The following ZNF385B variants were observed in gnomAD, a reference collection of about 807,000 sequenced individuals.
The protein encoded by ZNF385B is zinc finger protein 385B, also known as zinc finger protein 533.
A neutral mutation model predicts 39.2 loss-of-function variants in ZNF385B; 23 were observed. That is an observed-to-expected ratio of 0.59 (90% confidence interval 0.42 to 0.83). The LOEUF is 0.83. ZNF385B is among the 40% of genes least tolerant of loss of function. The pLI is 0.00. For synonymous variants in ZNF385B, 205 were observed against 222.6 expected, an observed-to-expected ratio of 0.92 and a Z score of 0.70; for missense variants, 552 against 598.9, an observed-to-expected ratio of 0.92 and a Z score of 0.82.
At chr2:179,689,938 T>C (rs186793691) in intron 3 of ZNF385B, among the ~76,000 whole-genome samples, 57 of 152,234 alleles carry the variant, frequency 3.7e-4, no homozygotes, top group Admixed American at 2.7e-3. Context: ...CTCTCTCCTA[T>C]AGCTAAAGCT....
chr2:179,737,908 A>G (rs1367623395), intron 3 of ZNF385B, among the ~76,000 whole-genome samples: 1 of 152,158 alleles, frequency 6.6e-6, no homozygotes, highest in East Asian at 1.9e-4. Flanking sequence ...CCACTACTCC[A>G]CTGCTTCTCC....
At chr2:179,680,924 G>A (rs964030310) in intron 3 of ZNF385B, among the ~76,000 whole-genome samples, 1 of 152,104 alleles carries the variant, frequency 6.6e-6, no homozygotes, top group African/African-American at 2.4e-5. Context: ...CTGAGACTCA[G>A]AGATGGTCAA....
intron 3 of ZNF385B, among the ~76,000 whole-genome samples, chr2:179,655,382 C>T (rs1458593638): frequency 6.6e-6 from 1 of 151,980 alleles, no homozygotes; most frequent in Non-Finnish European, 1.5e-5. Context: ...ATCAAAGTTG[C>T]TCATTTATGC....
intron 3 of ZNF385B, among the ~76,000 whole-genome samples, chr2:179,549,774 G>C (rs2060455264): frequency 6.7e-6 from 1 of 149,610 alleles, no homozygotes. Flanking sequence ...AAGGGTGCCT[G>C]AAGCATTTAT....
At chr2:179,666,801 C>G (rs1295609055) in intron 3 of ZNF385B, among the ~76,000 whole-genome samples, 2 of 152,192 alleles carry the variant, frequency 1.3e-5, no homozygotes, top group African/African-American at 4.8e-5. Flanking sequence ...ATTCTGATCA[C>G]AGAGCTCTTT....
chr2:179,579,795 G>T (rs529795150), intron 3 of ZNF385B, among the ~76,000 whole-genome samples: 119 of 152,204 alleles, frequency 7.8e-4, no homozygotes, highest in African/African-American at 2.5e-3. Flanking sequence ...CTATGTAGCA[G>T]ATGTTTTGTT....
chr2:179,651,891 T>A (rs1396502271), intron 3 of ZNF385B, among the ~76,000 whole-genome samples: 1 of 152,162 alleles, frequency 6.6e-6, no homozygotes, highest in Non-Finnish European at 1.5e-5. Flanking sequence ...CTAAGATTCA[T>A]TTCCCTTATC....
chr2:179,675,723 G>A (rs1033384070), intron 3 of ZNF385B, among the ~76,000 whole-genome samples: 5 of 152,114 alleles, frequency 3.3e-5, no homozygotes, highest in African/African-American at 1.2e-4. Flanking sequence ...GTCCAACTAG[G>A]ATGAATTTGG....
intron 6 of ZNF385B, among the ~76,000 whole-genome samples, chr2:179,457,900 T>C (rs1218340150): frequency 6.6e-6 from 1 of 152,208 alleles, no homozygotes; most frequent in African/African-American, 2.4e-5. Context: ...AAGGCTTAAA[T>C]AGAGTAAGCA....
intron 6 of ZNF385B, among the ~76,000 whole-genome samples, chr2:179,455,169 T>G (rs1036100848): frequency 3.3e-5 from 5 of 152,174 alleles, no homozygotes; most frequent in Non-Finnish European, 5.9e-5. Context: ...ACCTTTCCTA[T>G]GTTTAGATAC....
intron 1 of ZNF385B, among the ~76,000 whole-genome samples, chr2:179,788,200 C>T (rs576426325): frequency 6.8e-4 from 104 of 152,144 alleles, no homozygotes; most frequent in Admixed American, 1.2e-3. Flanking sequence ...TACACACATG[C>T]GTGCACACAC....
At chr2:179,687,441 G>T (rs926620976) in intron 3 of ZNF385B, among the ~76,000 whole-genome samples, 2 of 151,974 alleles carry the variant, frequency 1.3e-5, no homozygotes, top group African/African-American at 4.8e-5. Flanking sequence ...TATGGGCATG[G>T]ACTTTGTTGT....
chr2:179,553,867 A>AT (rs902933668), intron 3 of ZNF385B, among the ~76,000 whole-genome samples: 5 of 148,296 alleles, frequency 3.4e-5, no homozygotes, highest in East Asian at 1.9e-4. Context: ...CAAGCCTTAA[A>AT]TTTTTTTTTA....
At chr2:179,652,965 C>T (rs1693339200) in intron 3 of ZNF385B, among the ~76,000 whole-genome samples, 1 of 151,924 alleles carries the variant, frequency 6.6e-6, no homozygotes, top group African/African-American at 2.4e-5. Context: ...GGACAGGGTT[C>T]TTTCCTGCTT....
chr2:179,477,108 T>C (rs2053519196), intron 6 of ZNF385B, among the ~76,000 whole-genome samples: 1 of 152,150 alleles, frequency 6.6e-6, no homozygotes, highest in Non-Finnish European at 1.5e-5. Flanking sequence ...TGGAGTCCTG[T>C]GGCAGTCAAC....
chr2:179,687,227 G>A (rs1354623424), intron 3 of ZNF385B, among the ~76,000 whole-genome samples: 1 of 150,666 alleles, frequency 6.6e-6, no homozygotes, highest in Admixed American at 6.7e-5. Context: ...CTCTCCAGGG[G>A]GAAGACGACT....
At chr2:179,607,056 C>A (rs1471179295) in intron 3 of ZNF385B, among the ~76,000 whole-genome samples, 2 of 152,200 alleles carry the variant, frequency 1.3e-5, no homozygotes, top group Non-Finnish European at 2.9e-5. Context: ...TACGTCTGGA[C>A]CTGATTTTTG....
intron 3 of ZNF385B, among the ~76,000 whole-genome samples, chr2:179,576,835 A>C (rs1480830556): frequency 6.6e-6 from 1 of 152,150 alleles, no homozygotes; most frequent in East Asian, 1.9e-4. Flanking sequence ...TGGGCTTATA[A>C]AATTCAGGCA....
At chr2:179,564,327 C>A (rs1310923580) in intron 3 of ZNF385B, among the ~76,000 whole-genome samples, 1 of 152,138 alleles carries the variant, frequency 6.6e-6, no homozygotes, top group Non-Finnish European at 1.5e-5. Flanking sequence ...AGAGGCTCCA[C>A]AGAGAGGTGA....
Sources: allele counts gnomAD v4.1 joint callset (sites outside exome capture counted in the v4.1 genomes callset), GRCh38; gene constraint gnomAD v4.1.1; transcripts MANE v1.5; gene names NCBI Gene and HGNC (gene_info 2026-07-23, HGNC 2026-07-21).